Variants in GALNT13 observed in about 807,000 individuals in gnomAD.
GALNT13 encodes the protein polypeptide N-acetylgalactosaminyltransferase 13, also known as UDP-GalNAc:polypeptide N-acetylgalactosaminyltransferase 13.
In GALNT13, 28 loss-of-function variants were observed where a neutral mutation model predicts 64.2. The ratio of observed to expected loss-of-function variants is 0.44; its 90% CI spans 0.32 to 0.60. The LOEUF (loss-of-function observed/expected upper bound fraction) is 0.60. Ranked by LOEUF, GALNT13 falls within the 20% of genes least tolerant of loss-of-function variation. The pLI is 0.05. For missense variants in GALNT13, 577 were observed against 669.8 expected, an observed-to-expected ratio of 0.86 and a Z score of 1.53; for synonymous variants, 214 against 224.6, an observed-to-expected ratio of 0.95 and a Z score of 0.42.
intron 9 of GALNT13, among the ~76,000 whole-genome samples, chr2:154,329,242 A>G (rs1288528564): frequency 6.6e-6 from 1 of 152,048 alleles, no homozygotes; most frequent in Admixed American, 6.6e-5. Context: ...AGTAGTTGGG[A>G]CTACAGGTGC....
the GALNT13 span, among the ~76,000 whole-genome samples, chr2:153,527,336 A>C: frequency 3.9e-5 from 6 of 152,200 alleles, no homozygotes; most frequent in East Asian, 1.2e-3. Flanking sequence ...CAATACATCT[A>C]TCAGTAGACA....
At chr2:154,078,517 AT>A (rs1421573944) in intron 3 of GALNT13, among the ~76,000 whole-genome samples, 8 of 151,500 alleles carry the variant, frequency 5.3e-5, no homozygotes. Flanking sequence ...TTCTTTCTTC[AT>A]CTTTCTTTAT....
intron 8 of GALNT13, among the ~76,000 whole-genome samples, chr2:154,285,164 C>T (rs1424208081): frequency 6.6e-6 from 1 of 152,096 alleles, no homozygotes; most frequent in Admixed American, 6.5e-5. Context: ...TCTCCCAGTC[C>T]ATGAGTTGTC....
At chr2:153,590,891 C>T in the GALNT13 span, among the ~76,000 whole-genome samples, 25 of 152,044 alleles carry the variant, frequency 1.6e-4, no homozygotes, top group South Asian at 5.0e-3. Context: ...GAAAACATTC[C>T]CTTTAGAAAC....
chr2:154,446,788 A>C, intron 12 of GALNT13: 1 of 1,463,694 alleles, frequency 6.8e-7, no homozygotes, highest in Non-Finnish European at 9.1e-7. Flanking sequence ...GATTTTATTA[A>C]ATTTATTTTA....
chr2:153,697,370 AAG>A, the GALNT13 span, among the ~76,000 whole-genome samples: 9 of 152,180 alleles, frequency 5.9e-5, no homozygotes, highest in Admixed American at 5.9e-4. Flanking sequence ...ACAGCCAGAT[AAG>A]AGAGAGATAA....
At chr2:153,614,640 A>G in the GALNT13 span, among the ~76,000 whole-genome samples, 1 of 152,070 alleles carries the variant, frequency 6.6e-6, no homozygotes, top group Non-Finnish European at 1.5e-5. Flanking sequence ...TTTTTGTATT[A>G]ATGATATTGC....
At chr2:153,381,207 G>A in the GALNT13 span, among the ~76,000 whole-genome samples, 2 of 151,958 alleles carry the variant, frequency 1.3e-5, no homozygotes, top group East Asian at 1.9e-4. Flanking sequence ...TCATCCTCCC[G>A]AAGTGCTGGG....
the GALNT13 span, among the ~76,000 whole-genome samples, chr2:153,560,682 C>T: frequency 1.3e-5 from 2 of 152,028 alleles, no homozygotes; most frequent in South Asian, 4.2e-4. Context: ...TTTTACTGCT[C>T]TTTCAATTTA....
At chr2:153,098,406 T>C in the GALNT13 span, among the ~76,000 whole-genome samples, 1 of 152,204 alleles carries the variant, frequency 6.6e-6, no homozygotes, top group Non-Finnish European at 1.5e-5. Flanking sequence ...ACCTCTCTTT[T>C]CCTAATAAAA....
the GALNT13 span, among the ~76,000 whole-genome samples, chr2:153,164,712 C>T: frequency 3.3e-5 from 5 of 152,090 alleles, no homozygotes; most frequent in African/African-American, 1.2e-4. Context: ...CTCCTCTTAA[C>T]ATATTTTAAA....
chr2:153,379,398 A>C, the GALNT13 span, among the ~76,000 whole-genome samples: 1 of 152,154 alleles, frequency 6.6e-6, no homozygotes, highest in Middle Eastern at 3.2e-3. Context: ...AGAACCTGCC[A>C]GTTGATTTAA....
intron 3 of GALNT13, among the ~76,000 whole-genome samples, chr2:153,977,130 A>G (rs1427678390): frequency 6.6e-6 from 1 of 152,172 alleles, no homozygotes; most frequent in African/African-American, 2.4e-5. Flanking sequence ...GTCATTCAAA[A>G]TCCTTTATAA....
In GALNT13 at chr2:154,440,601, G is replaced by A. The variant is rs575710400; in HGVS notation, c.1530+1875G>A. 2.2e-4 allele frequency among the ~76,000 whole-genome samples: 34 copies of A among 152,056 alleles called. No individual in the cohort carries two copies. The South Asian group carries it at 4.6e-3, about 20-fold the overall frequency. Reference sequence around the variant, plus strand: ...TGTTTACTTTGACTTTGGAACACACGCACAAAAAGCTTATAAAATGTCATA... The same window carrying A: ...TGTTTACTTTGACTTTGGAACACACACACAAAAAGCTTATAAAATGTCATA... On this transcript the variant is annotated intron_variant, in intron 12 of 12. Coordinates refer to ENST00000392825, the MANE Select transcript of GALNT13 (RefSeq NM_052917.4).
chr2:154,370,849 C>A (rs192159827), intron 9 of GALNT13, among the ~76,000 whole-genome samples: 1 of 151,942 alleles, frequency 6.6e-6, no homozygotes, highest in Admixed American at 6.6e-5. Flanking sequence ...AATGAGATGC[C>A]CTAGGAAGAA....
chr2:153,283,509 A>G, the GALNT13 span, among the ~76,000 whole-genome samples: 1 of 152,100 alleles, frequency 6.6e-6, no homozygotes, highest in Non-Finnish European at 1.5e-5. Context: ...TGATCTCTTC[A>G]CTGGAAGAGT....
At chr2:153,112,185 C>T in the GALNT13 span, among the ~76,000 whole-genome samples, 1 of 152,118 alleles carries the variant, frequency 6.6e-6, no homozygotes, top group Non-Finnish European at 1.5e-5. Context: ...GGAACTGAAC[C>T]CTTATCTCAT....
At chr2:153,069,444 C>T in the GALNT13 span, among the ~76,000 whole-genome samples, 1 of 152,168 alleles carries the variant, frequency 6.6e-6, no homozygotes, top group Non-Finnish European at 1.5e-5. Flanking sequence ...CATTACAACA[C>T]AAGAGCAAAC....
the GALNT13 span, among the ~76,000 whole-genome samples, chr2:153,619,932 T>C: frequency 5.9e-5 from 9 of 152,104 alleles, no homozygotes; most frequent in Non-Finnish European, 5.9e-5. Flanking sequence ...GTAGTTTTCT[T>C]TGGGTTAAAT....
Sources: allele counts gnomAD v4.1 joint callset (sites outside exome capture counted in the v4.1 genomes callset), GRCh38; gene constraint gnomAD v4.1.1; transcripts MANE v1.5; gene names NCBI Gene and HGNC (gene_info 2026-07-23, HGNC 2026-07-21).